Variants in POU2AF1 observed in about 807,000 individuals in gnomAD.
POU2AF1 encodes POU domain class 2-associating factor 1.
POU2AF1 carries 12 observed loss-of-function variants against 26.3 expected under a neutral mutation model. That is an observed-to-expected ratio of 0.46 (90% CI 0.29 to 0.74). The LOEUF is 0.74. Among genes scored for constraint, POU2AF1 ranks in the 30% least tolerant of loss-of-function variants. The probability of loss-of-function intolerance (pLI) is 0.09; values close to 1 mark genes in which losing one functional copy is unlikely to be tolerated. For synonymous variants in POU2AF1, 175 were observed against 148.0 expected (o/e 1.18, Z -1.32); for missense variants, 297 against 334.5 (o/e 0.89, Z 0.87).
At chr11:111,377,143 G>A (rs990460367) in intron 1 of POU2AF1, among the ~76,000 whole-genome samples, 7 of 151,850 alleles carry the variant, frequency 4.6e-5, no homozygotes, top group Non-Finnish European at 7.4e-5. Context: ...AGGTCAAAGC[G>A]GGTGGATCAC....
intron 1 of POU2AF1, chr11:111,363,234 C>T (rs999651686): frequency 4.1e-5 from 42 of 1,019,150 alleles, no homozygotes; most frequent in East Asian, 3.3e-4. Context: ...CCTGACTGCC[C>T]GGCACGTGTC....
intron 1 of POU2AF1, among the ~76,000 whole-genome samples, chr11:111,369,267 T>A (rs1317449356): frequency 6.6e-6 from 1 of 152,220 alleles, no homozygotes; most frequent in Non-Finnish European, 1.5e-5. Context: ...AAGACTTCTT[T>A]CTTTAGAAGT....
intron 1 of POU2AF1, chr11:111,359,168 T>G: frequency 1.6e-6 from 1 of 607,838 alleles, no homozygotes. Flanking sequence ...CAGAATGAGA[T>G]CCGAACCCAT....
intron 1 of POU2AF1, chr11:111,363,071 G>A: frequency 1.1e-6 from 1 of 931,462 alleles, no homozygotes; most frequent in Non-Finnish European, 1.3e-6. Flanking sequence ...TGGAGGTGCT[G>A]TGGACAGAGA....
intron 2 of POU2AF1, among the ~76,000 whole-genome samples, chr11:111,358,537 CACAA>C (rs1312145772): frequency 2.0e-5 from 3 of 151,796 alleles, no homozygotes; most frequent in Non-Finnish European, 4.4e-5. Context: ...CGCCATCACA[CACAA>C]ACACATACAC....
rs1159599779 is a variant in POU2AF1, at chr11:111,353,186, C to T, written c.*1075G>A. 4.3e-6 allele frequency: 1 copy of T among 233,054 alleles called. No individual in the cohort carries two copies. Among genetic ancestry groups the T allele is most frequent in the East Asian group, 6.0e-5 (1 of 16,554 alleles). 14.4% of individuals were successfully genotyped at this position (233,054 alleles called of 1,614,324 possible). On this transcript the variant is annotated 3_prime_UTR_variant, in exon 5 of 5. Transcript: ENST00000393067. ...AGACAGAAATGGCCGACCAAACACA[C>T]CCTTCACCCTGTTTACAACAGCCCA... is the stretch of plus-strand genomic sequence containing the variant.
At chr11:111,355,702 C>A (rs1860830955) in intron 4 of POU2AF1, among the ~76,000 whole-genome samples, 1 of 152,158 alleles carries the variant, frequency 6.6e-6, no homozygotes, top group Non-Finnish European at 1.5e-5. Context: ...AGTCCAGGGA[C>A]AAGAGTTTGA....
intron 1 of POU2AF1, among the ~76,000 whole-genome samples, chr11:111,372,751 T>G (rs777669923): frequency 2.6e-5 from 4 of 152,188 alleles, no homozygotes; most frequent in Non-Finnish European, 4.4e-5. Context: ...AGCCCCTGCA[T>G]TATGGAGGGT....
chr11:111,374,405 C>T (rs1199495870), intron 1 of POU2AF1, among the ~76,000 whole-genome samples: 1 of 152,160 alleles, frequency 6.6e-6, no homozygotes, highest in African/African-American at 2.4e-5. Context: ...ACAGCAAGAA[C>T]TGCTTAATTG....
rs1860800515 is a variant in POU2AF1, at chr11:111,354,390, C to T, written c.642G>A (p.Glu214=). The T allele has an allele frequency of 1.2e-6, 2 of 1,614,072 alleles. No individual in the cohort carries two copies. Among genetic ancestry groups the T allele is most frequent in the Non-Finnish European group, 8.5e-7 (1 of 1,180,042 alleles). ...QFVQLPISIP[E]PVLQDMEDPR... ...GGTCTTCCATGTCCTGAAGGACTGG[C>T]TCTGGGATAGAGATGGGGAGCTGGA... Residue 214 remains glutamate, a synonymous_variant, in exon 5 of 5, where the codon GAG becomes GAA. Transcript: ENST00000393067.
At chr11:111,360,523 G>T (rs938883568) in intron 1 of POU2AF1, among the ~76,000 whole-genome samples, 3 of 152,300 alleles carry the variant, frequency 2.0e-5, no homozygotes, top group Admixed American at 6.5e-5. Context: ...CAGATGTTGG[G>T]GGTCAGGAAT....
rs149841949 is a variant in POU2AF1 at position 111,371,966 on chromosome 11, A to C, written c.16+7196T>G. Among the ~76,000 whole-genome samples, 323 of 151,582 alleles carry C rather than the reference A, an allele frequency of 2.1e-3. 4 individuals are homozygous for C. Among genetic ancestry groups the C allele is most frequent in the African/African-American group, 7.5e-3 (311 of 41,264 alleles). ...AGAAAGAACAGAAGTGTCACTCTCTAACTCAAAGTTAAACCCTACTCTCTA... is the reference window on the plus strand; with the variant it reads ...AGAAAGAACAGAAGTGTCACTCTCTCACTCAAAGTTAAACCCTACTCTCTA... On this transcript the variant is annotated intron_variant, in intron 1 of 4. Transcript: ENST00000393067.
chr11:111,373,989 A>G (rs115505226), intron 1 of POU2AF1, among the ~76,000 whole-genome samples: 136 of 152,348 alleles, frequency 8.9e-4, no homozygotes, highest in African/African-American at 3.0e-3. Flanking sequence ...GGGAAGATAA[A>G]CTACTTTAGA....
intron 1 of POU2AF1, 92 bp from the exon 2 acceptor site, chr11:111,359,010 C>G (rs1176880957): frequency 2.0e-6 from 3 of 1,509,072 alleles, no homozygotes; most frequent in Middle Eastern, 1.8e-4. Flanking sequence ...GCCTGCTCCC[C>G]TAAGTCGTGC....
chr11:111,352,932 C>CA lies in POU2AF1; in HGVS notation c.*1328dup, dbSNP rs1385367173. The CA allele has an allele frequency of 3.0e-5, 5 of 165,254 alleles. No homozygotes were observed. The highest frequency in any genetic ancestry group is 4.5e-4 in the South Asian group (2 of 4,402). 10.2% of individuals were successfully genotyped at this position (165,254 alleles called of 1,614,324 possible). A position where few individuals can be genotyped will look rare whatever the true frequency, so the allele number is the denominator to read the frequency against. ...TGGGCAATGGAGTGAGACTCCGTCC[C>CA]AAAAAAAACCAAAAAAAAGAAAGAA... On this transcript the variant is annotated 3_prime_UTR_variant, in exon 5 of 5. Coordinates refer to ENST00000393067, the MANE Select transcript of POU2AF1 (RefSeq NM_006235.3).
At chr11:111,363,194 T>C (rs920855221) in intron 1 of POU2AF1, 10 of 1,015,086 alleles carry the variant, frequency 9.9e-6, no homozygotes, top group Admixed American at 1.2e-4. Context: ...CCTATTGACG[T>C]TGCAGGACTC....
At chr11:111,371,390 C>T (rs1861206311) in intron 1 of POU2AF1, among the ~76,000 whole-genome samples, 1 of 152,152 alleles carries the variant, frequency 6.6e-6, no homozygotes, top group African/African-American at 2.4e-5. Context: ...CTGCTCACAA[C>T]TAGATTACAA....
chr11:111,376,300 C>A (rs910051061), intron 1 of POU2AF1, among the ~76,000 whole-genome samples: 2 of 152,214 alleles, frequency 1.3e-5, no homozygotes, highest in African/African-American at 4.8e-5. Flanking sequence ...GCACAGGCAA[C>A]TTTCAGACCT....
rs1195922513 is a variant in POU2AF1, at chr11:111,353,534, T to C, written c.*727A>G. ...CCTTGAGATTTTGCTGCCTGGACTG[T>C]AAATCTGGCCGAGGCTGAGAAGAGC... On this transcript the variant is annotated 3_prime_UTR_variant, in exon 5 of 5. Coordinates refer to ENST00000393067, the MANE Select transcript of POU2AF1 (RefSeq NM_006235.3). 2.6e-5 allele frequency: 6 copies of C among 233,410 alleles called. No homozygotes were observed. Among genetic ancestry groups the C allele is most frequent in the Non-Finnish European group, 5.1e-5 (6 of 118,294 alleles). 14.5% of individuals were successfully genotyped at this position (233,410 alleles called of 1,614,324 possible). A position where few individuals can be genotyped will look rare whatever the true frequency, so the allele number is the denominator to read the frequency against.
Sources: allele counts gnomAD v4.1 joint callset (sites outside exome capture counted in the v4.1 genomes callset), GRCh38; gene constraint gnomAD v4.1.1; transcripts MANE v1.5; gene names NCBI Gene and HGNC (gene_info 2026-07-23, HGNC 2026-07-21).